MAGEA4: variants seen among roughly 807,000 people sequenced by gnomAD.
MAGEA4 encodes melanoma-associated antigen 4.
Under a neutral mutation model 13.7 loss-of-function variants are expected in MAGEA4, and 1 was observed. The ratio of observed to expected loss-of-function variants is 0.07; its 90% CI spans 0.03 to 0.35. The LOEUF is 0.35. MAGEA4 is among the 10% of genes least tolerant of loss of function. The pLI is 0.99. For synonymous variants in MAGEA4, 132 were observed against 101.1 expected (o/e 1.31, Z -1.83); for missense variants, 312 against 245.1 (o/e 1.27, Z -1.82).
Position 151,924,390 on chromosome X carries a change from G to A in MAGEA4, c.726G>A (p.Glu242=). ...YDGREHTVYG[E]PRKLLTQDWV... is the part of the protein sequence containing the mutation. ...GGAGGGAGCACACTGTCTATGGGGA[G>A]CCCAGGAAACTGCTCACCCAAGATT... is the stretch of plus-strand genomic sequence containing the variant. Residue 242 remains glutamate, a synonymous_variant, in exon 3 of 3, where the codon GAG becomes GAA. Transcript: ENST00000276344. 8.3e-7 allele frequency: 1 copy of A among 1,210,762 alleles called. No homozygotes were observed. Among genetic ancestry groups the A allele is most frequent in the Non-Finnish European group, 1.1e-6 (1 of 894,926 alleles).
intron 1 of MAGEA4, 143 bp from the exon 2 acceptor site, chrX:151,923,310 C>G (rs1294610532): frequency 3.0e-6 from 1 of 330,981 alleles, no homozygotes; most frequent in African/African-American, 2.6e-5. Context: ...AATGTTTGCC[C>G]TGAATGCACA....
chrX:151,920,796 T>G (rs1372693175), intron 1 of MAGEA4, among the ~76,000 whole-genome samples: 3 of 109,631 alleles, frequency 2.7e-5, no homozygotes, highest in Non-Finnish European at 5.7e-5. Context: ...TTTCTGGGTC[T>G]GAAGGGTGGC....
At position 151,924,909 on chromosome X, in the gene MAGEA4, T is replaced by G. The variant is rs1005976908; in HGVS notation, c.*291T>G. On this transcript the variant is annotated 3_prime_UTR_variant, in exon 3 of 3. Coordinates refer to ENST00000276344, the MANE Select transcript of MAGEA4 (RefSeq NM_001011548.1). Reference sequence around the variant, plus strand: ...AACGTATATTGCTGTTAATATAGTTTAGGAGTAAGAGTCTTGTTTTTTATT... The same window carrying G: ...AACGTATATTGCTGTTAATATAGTTGAGGAGTAAGAGTCTTGTTTTTTATT... The G allele has an allele frequency of 8.2e-6, 2 of 243,882 alleles. No individual in the cohort carries two copies. The highest frequency in any genetic ancestry group is 1.5e-5 in the Non-Finnish European group (2 of 130,880). The allele number at this position is 243,882 out of a possible 1,213,427, so 20.1% of individuals were successfully genotyped here.
rs888183239 is a variant in MAGEA4 at position 151,924,696 on chromosome X, C to T, written c.*78C>T. ...CTAACAGCCCTGTGCAGCAGCTTCC[C>T]TTGCCTCGTGTAACATGAGGCCCAT... On this transcript the variant is annotated 3_prime_UTR_variant, in exon 3 of 3. Transcript: ENST00000276344. 2.9e-6 allele frequency: 3 copies of T among 1,033,194 alleles called. No individual in the cohort carries two copies. The highest frequency in any genetic ancestry group is 3.9e-6 in the Non-Finnish European group (3 of 776,102). 85.1% of individuals were successfully genotyped at this position (1,033,194 alleles called of 1,213,427 possible).
chrX:151,912,618 C>A (rs868055079), upstream of MAGEA4: 31 of 264,418 alleles, frequency 1.2e-4, no homozygotes, highest in Middle Eastern at 0.012. Context: ...CCATTCCTAT[C>A]CCCCACCCCA....
chrX:151,921,188 C>A (rs1933420283), intron 1 of MAGEA4, among the ~76,000 whole-genome samples: 1 of 112,620 alleles, frequency 8.9e-6, no homozygotes, highest in Non-Finnish European at 1.9e-5. Flanking sequence ...CCTCCACCCT[C>A]ACCAGGCAGA....
At chrX:151,921,811 A>G (rs1183913405) in intron 1 of MAGEA4, among the ~76,000 whole-genome samples, 2 of 107,561 alleles carry the variant, frequency 1.9e-5, no homozygotes, top group African/African-American at 6.8e-5. Context: ...CTGGGAGATG[A>G]GGAAGGCCTC....
chrX:151,920,084 C>T (rs1177808531), intron 1 of MAGEA4, among the ~76,000 whole-genome samples: 1 of 101,959 alleles, frequency 9.8e-6, no homozygotes, highest in Non-Finnish European at 2.0e-5. Flanking sequence ...ACCCTTATGT[C>T]CTCATCCCCC....
At chrX:151,920,961 C>T (rs887247238) in intron 1 of MAGEA4, among the ~76,000 whole-genome samples, 1 of 111,029 alleles carries the variant, frequency 9.0e-6, no homozygotes, top group African/African-American at 3.3e-5. Flanking sequence ...TCCCCACCTC[C>T]GCCCCCTTCG....
In MAGEA4 at chrX:151,923,953, A is replaced by G. The variant is rs1241585987; in HGVS notation, c.289A>G (p.Ser97Gly). Residue 97 changes from serine to glycine, a missense_variant, in exon 3 of 3, where the codon AGC becomes GGC. By Grantham distance (56) the Ser-to-Gly change is moderately conservative (BLOSUM62 0). Coordinates refer to ENST00000276344, the MANE Select transcript of MAGEA4 (RefSeq NM_001011548.1). Reference protein sequence around the residue: ...GSSSQEEEGPSTSPDAESLFR... With the variant: ...GSSSQEEEGPGTSPDAESLFR... ...CAGCAGCCAAGAAGAGGAGGGGCCA[A>G]GCACCTCGCCTGACGCAGAGTCCTT... 2 of 1,211,553 alleles carry G rather than the reference A, an allele frequency of 1.7e-6. No homozygotes were observed. The highest frequency in any genetic ancestry group is 1.7e-5 in the African/African-American group (1 of 57,891).
chrX:151,917,743 G>A (rs1056238742), intron 1 of MAGEA4: 2 of 339,581 alleles, frequency 5.9e-6, no homozygotes, highest in Non-Finnish European at 7.5e-6. Flanking sequence ...AAATAATCCC[G>A]CACCACTCCT....
intron 1 of MAGEA4, among the ~76,000 whole-genome samples, chrX:151,921,212 T>G (rs1209771368): frequency 1.8e-5 from 2 of 112,391 alleles, no homozygotes; most frequent in African/African-American, 6.5e-5. Context: ...CAGTTCCCCT[T>G]CTGCTATCAA....
At chrX:151,914,128 C>G (rs1191919726) in intron 1 of MAGEA4, 1 of 20,126 alleles carries the variant, frequency 5.0e-5, no homozygotes. Context: ...CTGATTTCCG[C>G]TTCCTCTTTC....
intron 1 of MAGEA4, chrX:151,919,044 C>A: frequency 1.3e-6 from 1 of 751,412 alleles, no homozygotes; most frequent in Non-Finnish European, 1.6e-6. Context: ...CAAGGTGAGA[C>A]GCTGAGGGAG....
At chrX:151,921,102 G>A (rs1211648134) in intron 1 of MAGEA4, among the ~76,000 whole-genome samples, 1 of 112,173 alleles carries the variant, frequency 8.9e-6, no homozygotes, top group African/African-American at 3.2e-5. Context: ...GGGAACTGAG[G>A]TCCCCCAAGA....
intron 1 of MAGEA4, among the ~76,000 whole-genome samples, chrX:151,920,309 G>A (rs894451926): frequency 2.8e-5 from 3 of 108,948 alleles, no homozygotes; most frequent in Non-Finnish European, 5.7e-5. Context: ...GGGAGAAGTC[G>A]GGAGGCCCTC....
rs1255799244 is a variant in MAGEA4 at position 151,924,673 on chromosome X, A to G, written c.*55A>G. ...GGGGCAGGGCTGGGCCAGTGCATCT[A>G]ACAGCCCTGTGCAGCAGCTTCCCTT... On this transcript the variant is annotated 3_prime_UTR_variant, in exon 3 of 3. Coordinates refer to ENST00000276344, the MANE Select transcript of MAGEA4 (RefSeq NM_001011548.1). 14 of 1,114,430 alleles carry G rather than the reference A, an allele frequency of 1.3e-5. No homozygotes were observed. The East Asian group carries it at 3.9e-4, about 31-fold the overall frequency. The allele number at this position is 1,114,430 out of a possible 1,213,427, so 91.8% of individuals were successfully genotyped here. A position where few individuals can be genotyped will look rare whatever the true frequency, so the allele number is the denominator to read the frequency against.
rs778751966 is a variant in MAGEA4, at chrX:151,925,086, T to TA, written c.*474dup. The TA allele has an allele frequency of 1.1e-3, 140 of 123,183 alleles. No homozygotes were observed. Among genetic ancestry groups the TA allele is most frequent in the Admixed American group, 2.4e-3 (26 of 10,918 alleles). The allele number at this position is 123,183 out of a possible 1,213,427, so 10.2% of individuals were successfully genotyped here. A position where few individuals can be genotyped will look rare whatever the true frequency, so the allele number is the denominator to read the frequency against. On this transcript the variant is annotated 3_prime_UTR_variant, in exon 3 of 3. Transcript: ENST00000276344. ...ATGCCTCAGTCTATTCTGTAAAATT[T>TA]AAAAAATATATATGCATACCTGGAT...
intron 1 of MAGEA4, among the ~76,000 whole-genome samples, chrX:151,920,128 C>A (rs1051394264): frequency 9.4e-6 from 1 of 106,070 alleles, no homozygotes; most frequent in Non-Finnish European, 1.9e-5. Flanking sequence ...CAGGTTGAAT[C>A]GCATTCCGTT....
Sources: allele counts gnomAD v4.1 joint callset (sites outside exome capture counted in the v4.1 genomes callset), GRCh38; gene constraint gnomAD v4.1.1; transcripts MANE v1.5; gene names NCBI Gene and HGNC (gene_info 2026-07-23, HGNC 2026-07-21).